The following SGCZ variants were observed in gnomAD, a reference collection of about 807,000 sequenced individuals.
The protein encoded by SGCZ is zeta-sarcoglycan.
A neutral mutation model predicts 41.3 loss-of-function variants in SGCZ; 40 were observed. The ratio of observed to expected loss-of-function variants is 0.97; its 90% CI spans 0.75 to 1.26. The LOEUF (loss-of-function observed/expected upper bound fraction) is 1.26, where lower values mean the gene tolerates loss of function less well. Among genes scored for constraint, SGCZ ranks in the 50% most tolerant of loss-of-function variants. The probability of loss-of-function intolerance (pLI) is 0.00; values close to 1 mark genes in which losing one functional copy is unlikely to be tolerated. For synonymous variants in SGCZ, 206 were observed against 137.5 expected (o/e 1.50, Z -3.49); for missense variants, 552 against 369.8 (o/e 1.49, Z -4.04).
intron 1 of SGCZ, among the ~76,000 whole-genome samples, chr8:14,975,650 G>C (rs1228647967): frequency 6.6e-6 from 1 of 152,126 alleles, no homozygotes; most frequent in East Asian, 1.9e-4. Context: ...ATAGGACTCA[G>C]TGTATATCTC....
intron 1 of SGCZ, among the ~76,000 whole-genome samples, chr8:14,993,994 G>C (rs1007470643): frequency 9.2e-5 from 14 of 152,284 alleles, no homozygotes; most frequent in African/African-American, 3.4e-4. Context: ...GGTAGGATAC[G>C]GCAGCAATCC....
At chr8:15,112,829 A>C (rs916626525) in intron 1 of SGCZ, among the ~76,000 whole-genome samples, 20 of 152,224 alleles carry the variant, frequency 1.3e-4, no homozygotes, top group Non-Finnish European at 2.5e-4. Flanking sequence ...AGCAGGAATG[A>C]GCTGTCTCTG....
chr8:15,094,160 G>T (rs568392211), intron 1 of SGCZ, among the ~76,000 whole-genome samples: 1 of 151,132 alleles, frequency 6.6e-6, no homozygotes, highest in Non-Finnish European at 1.5e-5. Flanking sequence ...TTTGAGACAC[G>T]GTCTCACTCT....
chr8:14,834,947 C>A (rs6999273), intron 1 of SGCZ, among the ~76,000 whole-genome samples: 31,827 of 152,084 alleles, frequency 0.21, 5,722 homozygotes, highest in African/African-American at 0.48. Flanking sequence ...TACGATAATG[C>A]AACAGATAAA....
At chr8:14,994,836 T>C (rs1802157842) in intron 1 of SGCZ, among the ~76,000 whole-genome samples, 1 of 152,140 alleles carries the variant, frequency 6.6e-6, no homozygotes, top group East Asian at 1.9e-4. Context: ...ATTATACACG[T>C]TTTTTCTTAA....
chr8:15,214,211 A>C (rs889796093), intron 1 of SGCZ, among the ~76,000 whole-genome samples: 1 of 152,226 alleles, frequency 6.6e-6, no homozygotes, highest in East Asian at 1.9e-4. Context: ...TCCATAATAT[A>C]AAATTATTTT....
At chr8:14,826,330 T>C (rs1802314014) in intron 1 of SGCZ, among the ~76,000 whole-genome samples, 1 of 152,146 alleles carries the variant, frequency 6.6e-6, no homozygotes. Context: ...ATCCAGTCTA[T>C]CATGGTTGGA....
In SGCZ at chr8:14,551,912, T is replaced by C. The variant is rs1461422797; in HGVS notation, c.234+2820A>G. 2.0e-5 allele frequency among the ~76,000 whole-genome samples: 3 copies of C among 150,838 alleles called. No individual in the cohort carries two copies. The South Asian group carries it at 6.2e-4, about 31-fold the overall frequency. ...CTTCCACAAACATCATAAAACATGT[T>C]GGCAGCTATCCTTGCTATGCTAAAA... On this transcript the variant is annotated intron_variant, in intron 2 of 7. Coordinates refer to ENST00000382080, the MANE Select transcript of SGCZ (RefSeq NM_139167.4).
intron 1 of SGCZ, among the ~76,000 whole-genome samples, chr8:14,842,902 A>G (rs1021410104): frequency 2.6e-5 from 4 of 152,198 alleles, no homozygotes; most frequent in Admixed American, 6.5e-5. Context: ...TCATCTGCCA[A>G]TGAGATTTAT....
At chr8:15,112,004 T>C (rs377100964) in intron 1 of SGCZ, among the ~76,000 whole-genome samples, 1 of 152,308 alleles carries the variant, frequency 6.6e-6, no homozygotes, top group East Asian at 1.9e-4. Context: ...GCCAAGAACC[T>C]GGACATACCA....
At chr8:14,152,783 C>T (rs1481917109) in intron 5 of SGCZ, among the ~76,000 whole-genome samples, 1 of 152,030 alleles carries the variant, frequency 6.6e-6, no homozygotes, top group Non-Finnish European at 1.5e-5. Context: ...CTCAGATGTT[C>T]CTCAATGGAT....
intron 4 of SGCZ, among the ~76,000 whole-genome samples, chr8:14,233,525 CAA>C (rs1806646075): frequency 1.3e-5 from 2 of 149,430 alleles, no homozygotes; most frequent in African/African-American, 4.9e-5. Context: ...GCGTTGTAAA[CAA>C]AGTCTGTATA....
chr8:15,114,750 CTT>C (rs1204608140), intron 1 of SGCZ, among the ~76,000 whole-genome samples: 6 of 148,622 alleles, frequency 4.0e-5, no homozygotes, highest in African/African-American at 1.5e-4. Flanking sequence ...CAAGCGTTTT[CTT>C]TTTGTTTTTT....
intron 4 of SGCZ, among the ~76,000 whole-genome samples, chr8:14,201,997 C>A (rs978613950): frequency 1.2e-4 from 19 of 152,010 alleles, no homozygotes; most frequent in Non-Finnish European, 2.4e-4. Flanking sequence ...AATAATGAAA[C>A]CCCTCAGAAC....
At chr8:15,224,878 A>C (rs1041958998) in intron 1 of SGCZ, among the ~76,000 whole-genome samples, 1 of 152,208 alleles carries the variant, frequency 6.6e-6, no homozygotes, top group South Asian at 2.1e-4. Context: ...GTCATCACCT[A>C]TAAGTTTTAA....
At chr8:15,210,989 C>T (rs183307108) in intron 1 of SGCZ, among the ~76,000 whole-genome samples, 1 of 151,520 alleles carries the variant, frequency 6.6e-6, no homozygotes, top group East Asian at 1.9e-4. Flanking sequence ...TTTTCCCCTG[C>T]AACACCCAGG....
chr8:14,590,847 GAAT>G (rs914108398), intron 1 of SGCZ, among the ~76,000 whole-genome samples: 4 of 147,284 alleles, frequency 2.7e-5, no homozygotes, highest in African/African-American at 4.9e-5. Flanking sequence ...TTCATATTAT[GAAT>G]AATATGTCAT....
chr8:14,229,055 C>G (rs1175395614), intron 4 of SGCZ, among the ~76,000 whole-genome samples: 2 of 152,036 alleles, frequency 1.3e-5, no homozygotes, highest in South Asian at 2.1e-4. Flanking sequence ...AGGAGCAAGC[C>G]AGCAAAGGTT....
chr8:14,943,000 C>T (rs936045265), intron 1 of SGCZ, among the ~76,000 whole-genome samples: 1 of 152,130 alleles, frequency 6.6e-6, no homozygotes, highest in Non-Finnish European at 1.5e-5. Context: ...CTTATTGAGA[C>T]ACATTCAACT....
Sources: allele counts gnomAD v4.1 joint callset (sites outside exome capture counted in the v4.1 genomes callset), GRCh38; gene constraint gnomAD v4.1.1; transcripts MANE v1.5; gene names NCBI Gene and HGNC (gene_info 2026-07-23, HGNC 2026-07-21).